The following CAST variants were observed in gnomAD, a reference collection of about 807,000 sequenced individuals.
CAST encodes MIR583 host.
In CAST, 76 loss-of-function variants were observed where a neutral mutation model predicts 119.6. That is an observed-to-expected ratio of 0.64 (90% CI 0.53 to 0.77). The LOEUF is 0.77. Ranked by LOEUF, CAST falls within the 30% of genes least tolerant of loss-of-function variation. CAST has a pLI of 0.00. For missense variants in CAST, 953 were observed against 946.5 expected (o/e 1.01, Z -0.09); for synonymous variants, 319 against 331.6 (o/e 0.96, Z 0.41).
chr5:96,446,092 C>T, the CAST span, among the ~76,000 whole-genome samples: 2 of 151,240 alleles, frequency 1.3e-5, no homozygotes, highest in East Asian at 3.9e-4. Context: ...CAAGCTCAGA[C>T]TTCCAAATGA....
chr5:96,171,711 T>G, the CAST span, among the ~76,000 whole-genome samples: 1 of 152,140 alleles, frequency 6.6e-6, no homozygotes, highest in East Asian at 1.9e-4. Flanking sequence ...AAGGCAGAGA[T>G]TGAAGTGTGG....
chr5:96,656,810 G>GC (rs1411759545), intron 1 of CAST, among the ~76,000 whole-genome samples: 1 of 152,086 alleles, frequency 6.6e-6, no homozygotes, highest in East Asian at 1.9e-4. Context: ...ATTCCAAATG[G>GC]CCCCTGGTGC....
the CAST span, among the ~76,000 whole-genome samples, chr5:96,174,617 G>A: frequency 6.6e-6 from 1 of 152,134 alleles, no homozygotes; most frequent in Admixed American, 6.5e-5. Flanking sequence ...TATTGGCACT[G>A]TTTTTTTGTT....
At chr5:96,076,204 A>T in the CAST span, among the ~76,000 whole-genome samples, 1 of 152,198 alleles carries the variant, frequency 6.6e-6, no homozygotes, top group African/African-American at 2.4e-5. Flanking sequence ...AGTGTAAAGG[A>T]AAAGGTCAAA....
the CAST span, chr5:96,379,759 T>A: frequency 6.6e-6 from 1 of 152,224 alleles, no homozygotes; most frequent in South Asian, 2.1e-4. Context: ...AATTTATATG[T>A]TTGATTCTAT....
chr5:96,739,274 G>A (rs1581206219), intron 11 of CAST, among the ~76,000 whole-genome samples: 1 of 152,310 alleles, frequency 6.6e-6, no homozygotes, highest in South Asian at 2.1e-4. Context: ...GAGATTGCCA[G>A]GAGGGAGCCT....
At chr5:96,708,622 C>G (rs1215703407) in intron 3 of CAST, among the ~76,000 whole-genome samples, 1 of 152,150 alleles carries the variant, frequency 6.6e-6, no homozygotes, top group East Asian at 1.9e-4. Flanking sequence ...TCCCAAGTAG[C>G]TAGGACCACA....
At chr5:96,360,691 C>G in the CAST span, among the ~76,000 whole-genome samples, 1 of 152,188 alleles carries the variant, frequency 6.6e-6, no homozygotes, top group South Asian at 2.1e-4. Context: ...GCTGCCTGTT[C>G]CTTCCTCTGG....
chr5:96,681,514 A>T (rs1330974546), intron 2 of CAST, among the ~76,000 whole-genome samples: 1 of 151,944 alleles, frequency 6.6e-6, no homozygotes, highest in Non-Finnish European at 1.5e-5. Flanking sequence ...CGGGCGGATC[A>T]CGAGGTCAGG....
chr5:96,132,645 A>C, the CAST span, among the ~76,000 whole-genome samples: 2 of 152,126 alleles, frequency 1.3e-5, no homozygotes, highest in African/African-American at 4.8e-5. Context: ...TATGAGTGAC[A>C]ATGTGTGATA....
the CAST span, among the ~76,000 whole-genome samples, chr5:96,102,093 T>G: frequency 6.6e-6 from 1 of 152,094 alleles, no homozygotes; most frequent in Non-Finnish European, 1.5e-5. Flanking sequence ...CTTCCCTTGT[T>G]GTGTGGGGTG....
intron 1 of CAST, among the ~76,000 whole-genome samples, chr5:96,535,922 A>ATT (rs2150178693): frequency 6.7e-6 from 1 of 150,330 alleles, no homozygotes; most frequent in Non-Finnish European, 1.5e-5. Context: ...ACCTACTTTT[A>ATT]TTTGTTAAAA....
chr5:96,512,392 G>T, the CAST span, among the ~76,000 whole-genome samples: 6 of 152,148 alleles, frequency 3.9e-5, no homozygotes, highest in Non-Finnish European at 8.8e-5. Context: ...CAATCAGTAG[G>T]CCACTTCGGA....
chr5:96,384,707 A>G, the CAST span, among the ~76,000 whole-genome samples: 3 of 152,200 alleles, frequency 2.0e-5, no homozygotes, highest in Non-Finnish European at 4.4e-5. Context: ...CTGGGAAATT[A>G]TTGACAGGAT....
Position 96,748,522 on chromosome 5 carries a change from G to T in CAST, c.1337G>T (p.Arg446Leu). Residue 446 changes from arginine (R) to leucine (L), a missense_variant, in exon 19 of 32, where the codon CGG (arginine) becomes CTG (leucine). By Grantham distance (102) the Arg-to-Leu change is moderately radical (BLOSUM62 -2). Coordinates refer to ENST00000675179, the MANE Select transcript of CAST (RefSeq NM_001750.7). ...LPEPEEKPKP[R>L]SESELIDELS... Reference sequence around the variant, plus strand: ...ACAGCACTTCTTATATTACAGCCTCGGAGTGAATCAGAACTCATTGATGAA... The same window carrying T: ...ACAGCACTTCTTATATTACAGCCTCTGAGTGAATCAGAACTCATTGATGAA... 2 of 1,518,160 alleles carry T rather than the reference G, an allele frequency of 1.3e-6. No homozygotes were observed. The highest frequency in any genetic ancestry group is 1.8e-6 in the Non-Finnish European group (2 of 1,095,862). 94.0% of individuals were successfully genotyped at this position (1,518,160 alleles called of 1,614,324 possible). A position where few individuals can be genotyped will look rare whatever the true frequency, so the allele number is the denominator to read the frequency against.
At chr5:96,475,952 T>G in the CAST span, among the ~76,000 whole-genome samples, 4 of 152,178 alleles carry the variant, frequency 2.6e-5, no homozygotes, top group African/African-American at 9.7e-5. Flanking sequence ...GATCTAAGAC[T>G]CCAGTTGCCC....
the CAST span, among the ~76,000 whole-genome samples, chr5:96,364,840 C>T: frequency 1.3e-5 from 2 of 152,242 alleles, no homozygotes; most frequent in South Asian, 4.1e-4. Flanking sequence ...CTGCTGTGAT[C>T]TTAGTTATTT....
At chr5:96,056,994 C>A in the CAST span, among the ~76,000 whole-genome samples, 2 of 152,104 alleles carry the variant, frequency 1.3e-5, no homozygotes, top group African/African-American at 2.4e-5. Context: ...GCCCCCAGAA[C>A]CAGAACAGGT....
the CAST span, among the ~76,000 whole-genome samples, chr5:96,035,851 G>A: frequency 1.3e-5 from 2 of 151,828 alleles, no homozygotes; most frequent in South Asian, 4.2e-4. Flanking sequence ...CTAGTATGTA[G>A]GATGTGCGCA....
Sources: allele counts gnomAD v4.1 joint callset (sites outside exome capture counted in the v4.1 genomes callset), GRCh38; gene constraint gnomAD v4.1.1; transcripts MANE v1.5; gene names NCBI Gene and HGNC (gene_info 2026-07-23, HGNC 2026-07-21).